RNGTT: variants seen among roughly 807,000 people sequenced by gnomAD.
RNGTT encodes mRNA-capping enzyme.
A neutral mutation model predicts 79.3 loss-of-function variants in RNGTT; 33 were observed. The observed-to-expected ratio is 0.42, with a 90% CI of 0.32 to 0.56. The LOEUF (loss-of-function observed/expected upper bound fraction) is 0.56. Ranked by LOEUF, RNGTT falls within the 20% of genes least tolerant of loss-of-function variation. The probability of loss-of-function intolerance (pLI) is 0.17; values close to 1 mark genes in which losing one functional copy is unlikely to be tolerated. For missense variants in RNGTT, 497 were observed against 739.1 expected (o/e 0.67, Z 3.80); for synonymous variants, 222 against 235.9 (o/e 0.94, Z 0.54).
At chr6:88,826,822 GTGTA>G (rs1468389003) in intron 11 of RNGTT, among the ~76,000 whole-genome samples, 7 of 82,258 alleles carry the variant, frequency 8.5e-5, no homozygotes, top group African/African-American at 3.5e-4. Flanking sequence ...ATATATGTGT[GTGTA>G]TATATATATA....
At chr6:88,838,862 A>G (rs1384832959) in intron 11 of RNGTT, among the ~76,000 whole-genome samples, 1 of 152,186 alleles carries the variant, frequency 6.6e-6, no homozygotes, top group East Asian at 1.9e-4. Context: ...CAAGATTTAC[A>G]ACAACCAAAA....
chr6:88,819,429 A>G (rs1262220017), intron 11 of RNGTT, among the ~76,000 whole-genome samples: 1 of 152,220 alleles, frequency 6.6e-6, no homozygotes, highest in Non-Finnish European at 1.5e-5. Context: ...TCATGCAGCT[A>G]ATAAACACAT....
chr6:88,853,790 A>C lies in RNGTT; in HGVS notation c.897-26T>G, dbSNP rs376439343. The C allele has an allele frequency of 7.0e-6, 10 of 1,436,950 alleles. No homozygotes were observed. The highest frequency in any genetic ancestry group is 9.6e-6 in the Non-Finnish European group (10 of 1,045,428). 89.0% of individuals were successfully genotyped at this position (1,436,950 alleles called of 1,614,324 possible). A position where few individuals can be genotyped will look rare whatever the true frequency, so the allele number is the denominator to read the frequency against. On this transcript the variant is annotated intron_variant, in intron 8 of 15. Transcript: ENST00000369485. ...CTGTAAATGAAACATTAAAAAGCTAATATTTACAGTATAATATCAAGAACA... is the reference window on the plus strand; with the variant it reads ...CTGTAAATGAAACATTAAAAAGCTACTATTTACAGTATAATATCAAGAACA...
intron 11 of RNGTT, among the ~76,000 whole-genome samples, chr6:88,841,720 T>C (rs993816809): frequency 5.9e-5 from 9 of 152,174 alleles, no homozygotes; most frequent in Admixed American, 1.3e-4. Context: ...CAACTCACAA[T>C]AGAGAAATAT....
chr6:88,796,297 T>C (rs1227901422), intron 12 of RNGTT, among the ~76,000 whole-genome samples: 2 of 152,200 alleles, frequency 1.3e-5, no homozygotes, highest in East Asian at 1.9e-4. Flanking sequence ...GTTATATTTC[T>C]ATCAGTCAGT....
intron 6 of RNGTT, among the ~76,000 whole-genome samples, chr6:88,902,244 T>C (rs1193000087): frequency 6.6e-6 from 1 of 151,866 alleles, no homozygotes; most frequent in Non-Finnish European, 1.5e-5. Context: ...AAGATACACA[T>C]AGAATTAAAA....
At chr6:88,923,796 T>A (rs1469804655) in intron 4 of RNGTT, among the ~76,000 whole-genome samples, 2 of 152,128 alleles carry the variant, frequency 1.3e-5, no homozygotes, top group African/African-American at 4.8e-5. Context: ...GCTATTATAG[T>A]GCTCCAACTT....
At chr6:88,647,631 G>A (rs1037935910) in intron 14 of RNGTT, among the ~76,000 whole-genome samples, 1 of 148,960 alleles carries the variant, frequency 6.7e-6, no homozygotes, top group Non-Finnish European at 1.5e-5. Context: ...AGGATCACTT[G>A]AGCCTGAAAG....
At chr6:88,946,701 C>T (rs1292528452) in intron 1 of RNGTT, among the ~76,000 whole-genome samples, 6 of 151,778 alleles carry the variant, frequency 4.0e-5, no homozygotes, top group East Asian at 3.9e-4. Context: ...CCCTCTCATG[C>T]GGAGCCGAAG....
chr6:88,931,814 TCTTTA>T (rs1260437504), intron 2 of RNGTT, among the ~76,000 whole-genome samples: 2 of 152,178 alleles, frequency 1.3e-5, no homozygotes, highest in Non-Finnish European at 2.9e-5. Context: ...CCTATGCCTG[TCTTTA>T]CTTTAATCTC....
At chr6:88,955,706 C>T (rs2127965897) in intron 1 of RNGTT, among the ~76,000 whole-genome samples, 1 of 152,058 alleles carries the variant, frequency 6.6e-6, no homozygotes, top group East Asian at 1.9e-4. Flanking sequence ...TAAACTGTAA[C>T]AAACAAACAA....
intron 11 of RNGTT, among the ~76,000 whole-genome samples, chr6:88,834,199 A>AT (rs139930834): frequency 0.024 from 3,592 of 152,328 alleles, 71 homozygotes; most frequent in Non-Finnish European, 0.038. Context: ...TATATATGGC[A>AT]TGAGATACAA....
At position 88,922,534 on chromosome 6, in the gene RNGTT, AT is replaced by A. The variant is rs1023087610; in HGVS notation, c.367+6450del. Reference sequence around the variant, plus strand: ...ATTTCCTCAATTACCTTAAAAAAAAATTTTTTTTTTTGAGATGGAGTCTCGC... The same window carrying A: ...ATTTCCTCAATTACCTTAAAAAAAAATTTTTTTTTTGAGATGGAGTCTCGC... On this transcript the variant is annotated intron_variant, in intron 4 of 15. Coordinates refer to ENST00000369485, the MANE Select transcript of RNGTT (RefSeq NM_003800.5). 1.5e-4 allele frequency among the ~76,000 whole-genome samples: 23 copies of A among 148,618 alleles called. No individual in the cohort carries two copies. In the East Asian group the frequency reaches 1.8e-3, roughly 11 times the overall value.
At chr6:88,936,113 T>C (rs1219804887) in intron 2 of RNGTT, among the ~76,000 whole-genome samples, 1 of 152,128 alleles carries the variant, frequency 6.6e-6, no homozygotes, top group Non-Finnish European at 1.5e-5. Context: ...AAATATTTTG[T>C]AGAGATGGGG....
intron 4 of RNGTT, among the ~76,000 whole-genome samples, chr6:88,910,768 C>T (rs1358586368): frequency 2.0e-5 from 3 of 152,120 alleles, no homozygotes; most frequent in South Asian, 2.1e-4. Flanking sequence ...ATAAAGGGAA[C>T]CTCATCAGGC....
At position 88,963,525 on chromosome 6, in the gene RNGTT, C is replaced by A. The variant is rs1785723301; in HGVS notation, c.-116G>T. The A allele has an allele frequency of 1.0e-6, 1 of 998,230 alleles. No individual in the cohort carries two copies. The highest frequency in any genetic ancestry group is 3.2e-5 in the Admixed American group (1 of 30,926). 61.8% of individuals were successfully genotyped at this position (998,230 alleles called of 1,614,324 possible). A position where few individuals can be genotyped will look rare whatever the true frequency, so the allele number is the denominator to read the frequency against. ...GAGACACCCGAATCGCAGCCGTAAT[C>A]TGAATTCCAACCTCTCCGATCCGGG... On this transcript the variant is annotated 5_prime_UTR_variant, in exon 1 of 16. Coordinates refer to ENST00000369485, the MANE Select transcript of RNGTT (RefSeq NM_003800.5).
At chr6:88,868,851 T>TG (rs1782263423) in intron 8 of RNGTT, among the ~76,000 whole-genome samples, 1 of 152,174 alleles carries the variant, frequency 6.6e-6, no homozygotes, top group Non-Finnish European at 1.5e-5. Flanking sequence ...GCACCATCTT[T>TG]TTCATACTCT....
At chr6:88,945,043 T>C (rs1240460834) in intron 1 of RNGTT, among the ~76,000 whole-genome samples, 1 of 152,236 alleles carries the variant, frequency 6.6e-6, no homozygotes, top group Non-Finnish European at 1.5e-5. Context: ...ACGGCCTTGG[T>C]AGACGGGCTG....
At chr6:88,756,875 G>A (rs73496486) in intron 13 of RNGTT, among the ~76,000 whole-genome samples, 1,996 of 152,244 alleles carry the variant, frequency 0.013, 43 homozygotes, top group African/African-American at 0.045. Flanking sequence ...CAAGGAAAAC[G>A]CTGGATGGAC....
Sources: allele counts gnomAD v4.1 joint callset (sites outside exome capture counted in the v4.1 genomes callset), GRCh38; gene constraint gnomAD v4.1.1; transcripts MANE v1.5; gene names NCBI Gene and HGNC (gene_info 2026-07-23, HGNC 2026-07-21).